Variants in CRIM1 observed in about 807,000 individuals in gnomAD.
CRIM1 encodes the protein cysteine rich transmembrane BMP regulator 1, also known as cysteine-rich motor neuron 1 protein.
A neutral mutation model predicts 116.4 loss-of-function variants in CRIM1; 32 were observed. The ratio of observed to expected loss-of-function variants is 0.27; its 90% confidence interval spans 0.21 to 0.37. CRIM1 has a LOEUF of 0.37. Among genes scored for constraint, CRIM1 ranks in the 10% least tolerant of loss-of-function variants. The pLI, the probability that CRIM1 is intolerant of heterozygous loss-of-function variation, is 1.00. For missense variants in CRIM1, 1,331 were observed against 1,354.8 expected (o/e 0.98, Z 0.28); for synonymous variants, 590 against 509.2 (o/e 1.16, Z -2.13).
chr2:36,548,267 C>CG (rs1667490963), intron 16 of CRIM1, among the ~76,000 whole-genome samples: 1 of 137,824 alleles, frequency 7.3e-6, no homozygotes, highest in Non-Finnish European at 1.6e-5. Flanking sequence ...TTTCACCAGT[C>CG]TTTTTTTTTT....
chr2:36,447,250 A>T (rs979920619), intron 4 of CRIM1, among the ~76,000 whole-genome samples: 1 of 151,936 alleles, frequency 6.6e-6, no homozygotes, highest in Non-Finnish European at 1.5e-5. Flanking sequence ...TTTTTTTTTT[A>T]TTGAAAACCC....
At chr2:36,518,400 C>A (rs1162622402) in intron 12 of CRIM1, among the ~76,000 whole-genome samples, 2 of 152,102 alleles carry the variant, frequency 1.3e-5, no homozygotes, top group African/African-American at 4.8e-5. Flanking sequence ...AAAACATAAA[C>A]CCTTGTATTT....
At chr2:36,388,414 A>G (rs1177036260) in intron 1 of CRIM1, among the ~76,000 whole-genome samples, 1 of 152,210 alleles carries the variant, frequency 6.6e-6, no homozygotes, top group African/African-American at 2.4e-5. Context: ...TAGGCATATG[A>G]TTCTCTGGCA....
intron 1 of CRIM1, among the ~76,000 whole-genome samples, chr2:36,394,081 G>A (rs1671827382): frequency 6.6e-6 from 1 of 152,170 alleles, no homozygotes; most frequent in Non-Finnish European, 1.5e-5. Flanking sequence ...TGTCTTCAGG[G>A]AGTTCCAGTT....
At chr2:36,362,018 A>T (rs779229259) in intron 1 of CRIM1, among the ~76,000 whole-genome samples, 16 of 152,246 alleles carry the variant, frequency 1.1e-4, no homozygotes, top group Non-Finnish European at 1.8e-4. Context: ...TTGGTCTTCT[A>T]TGCTGTACAA....
chr2:36,420,530 G>A (rs953546118), intron 2 of CRIM1, among the ~76,000 whole-genome samples: 1 of 152,162 alleles, frequency 6.6e-6, no homozygotes, highest in African/African-American at 2.4e-5. Flanking sequence ...CAGACACAAG[G>A]ACACTAGATC....
At chr2:36,418,732 C>T (rs534222310) in intron 2 of CRIM1, among the ~76,000 whole-genome samples, 5 of 152,046 alleles carry the variant, frequency 3.3e-5, no homozygotes, top group South Asian at 4.2e-4. Flanking sequence ...TAGATCACCG[C>T]TCTGTTGGCA....
intron 2 of CRIM1, among the ~76,000 whole-genome samples, chr2:36,411,693 C>G (rs893067466): frequency 1.4e-5 from 2 of 147,614 alleles, no homozygotes; most frequent in Non-Finnish European, 3.0e-5. Context: ...TGTACAGTTA[C>G]CTGTGTGCTA....
rs17019010 is a variant in CRIM1, at chr2:36,532,448, C to G, written c.2429-4904C>G. 6.3e-3 allele frequency among the ~76,000 whole-genome samples: 964 copies of G among 152,292 alleles called. 5 individuals carry two copies. The highest frequency in any genetic ancestry group is 0.016 in the African/African-American group (674 of 41,540). On this transcript the variant is annotated intron_variant, in intron 13 of 16. Coordinates refer to ENST00000280527, the MANE Select transcript of CRIM1 (RefSeq NM_016441.3). Reference sequence around the variant, plus strand: ...GATGTTCCTAAGGAGGACCAGGAATCCTAAATTACCTAAATAACCCACTTG... The same window carrying G: ...GATGTTCCTAAGGAGGACCAGGAATGCTAAATTACCTAAATAACCCACTTG...
At chr2:36,464,495 T>G in intron 4 of CRIM1, 39 bp from the exon 5 acceptor site, 9 of 1,612,078 alleles carry the variant, frequency 5.6e-6, no homozygotes, top group Non-Finnish European at 7.6e-6. Context: ...ATGTTGTTGT[T>G]TATTCATGGG....
rs1257977924 is a variant in CRIM1, at chr2:36,356,224, C to T, written c.-69C>T. 1.1e-5 allele frequency: 9 copies of T among 821,092 alleles called. No homozygotes were observed. The highest frequency in any genetic ancestry group is 1.5e-5 in the Non-Finnish European group (9 of 612,050). The allele number at this position is 821,092 out of a possible 1,614,324, so 50.9% of individuals were successfully genotyped here. A position where few individuals can be genotyped will look rare whatever the true frequency, so the allele number is the denominator to read the frequency against. On this transcript the variant is annotated 5_prime_UTR_variant, in exon 1 of 17. Transcript: ENST00000280527. This position sits in a 1 kb window ranked among gnomAD's most constrained non-coding sequence, Gnocchi z 4.3. ...TGCGGCGGCGGCGGCGCGTGTGCCC[C>T]GCGCAGGGGAGGGCGCCCGCCCCGC...
At chr2:36,465,924 C>T (rs961167942) in intron 5 of CRIM1, among the ~76,000 whole-genome samples, 20 of 150,608 alleles carry the variant, frequency 1.3e-4, no homozygotes, top group South Asian at 4.2e-4. Context: ...CTCGCCCTGT[C>T]GCCCAGGCTG....
At chr2:36,529,904 AG>A (rs1159986182) in intron 13 of CRIM1, among the ~76,000 whole-genome samples, 1 of 152,222 alleles carries the variant, frequency 6.6e-6, no homozygotes, top group East Asian at 1.9e-4. Context: ...TGGAATTCTA[AG>A]AAAAGCCTTA....
intron 2 of CRIM1, among the ~76,000 whole-genome samples, chr2:36,408,800 A>G (rs1673002032): frequency 6.6e-6 from 1 of 152,222 alleles, no homozygotes; most frequent in Non-Finnish European, 1.5e-5. Context: ...AGAAAAAAAA[A>G]AAGTCTGTGC....
intron 1 of CRIM1, among the ~76,000 whole-genome samples, chr2:36,381,673 G>A (rs2148336748): frequency 6.6e-6 from 1 of 152,358 alleles, no homozygotes; most frequent in East Asian, 1.9e-4. Flanking sequence ...TGTAATCCCA[G>A]CTACTCAGGA....
intron 13 of CRIM1, among the ~76,000 whole-genome samples, chr2:36,533,520 T>G (rs1276268123): frequency 6.6e-6 from 1 of 152,000 alleles, no homozygotes; most frequent in African/African-American, 2.4e-5. Flanking sequence ...GAGGATCACT[T>G]GAGCCCAGAA....
chr2:36,434,491 G>A (rs758641292), intron 2 of CRIM1, among the ~76,000 whole-genome samples: 2 of 152,200 alleles, frequency 1.3e-5, no homozygotes, highest in Non-Finnish European at 2.9e-5. Context: ...CTTGCTTTGT[G>A]ACCTTGGCCA....
intron 12 of CRIM1, among the ~76,000 whole-genome samples, chr2:36,519,454 C>A (rs1038907543): frequency 6.6e-6 from 1 of 152,100 alleles, no homozygotes; most frequent in Non-Finnish European, 1.5e-5. Context: ...TGGACTTTTT[C>A]ATTCATCGTT....
chr2:36,421,764 A>G (rs535139818), intron 2 of CRIM1, among the ~76,000 whole-genome samples: 4 of 152,164 alleles, frequency 2.6e-5, no homozygotes, highest in Non-Finnish European at 4.4e-5. Context: ...CTGCCCTTGC[A>G]TGAAGGAGGA....
Sources: gnomAD v4.1 joint callset for allele counts (sites outside exome capture counted in the v4.1 genomes callset) on GRCh38, gnomAD v4.1.1 for gene constraint, Gnocchi (gnomAD v3.1) non-coding constraint, MANE v1.5 for transcripts, NCBI Gene and HGNC (gene_info 2026-07-23, HGNC 2026-07-21) for gene names.